The following UGP2 variants were observed in gnomAD, a reference collection of about 807,000 sequenced individuals.
The protein encoded by UGP2 is UDP-glucose pyrophosphorylase 2.
A neutral mutation model predicts 49.0 loss-of-function variants in UGP2; 40 were observed. The ratio of observed to expected loss-of-function variants is 0.82; its 90% CI spans 0.63 to 1.06. The LOEUF (loss-of-function observed/expected upper bound fraction) is 1.06. Among genes scored for constraint, UGP2 ranks in the 50% least tolerant of loss-of-function variants. UGP2 has a pLI of 0.00. For synonymous variants in UGP2, 225 were observed against 213.0 expected, an observed-to-expected ratio of 1.06 and a Z score of -0.49; for missense variants, 460 against 603.5, an observed-to-expected ratio of 0.76 and a Z score of 2.49.
Position 63,854,199 on chromosome 2 carries a change from C to T in UGP2, c.20-2107C>T, listed in dbSNP as rs145748357. The stretch of plus-strand genomic sequence containing the variant: ...TTCAACTATTTTCAACCTGTTTCCT[C>T]GTCTGTAAAATGATGAGAGTAGGTT... On this transcript the variant is annotated intron_variant, in intron 1 of 9. Transcript: ENST00000337130. Among the ~76,000 whole-genome samples, 725 of 152,296 alleles carry T rather than the reference C, an allele frequency of 4.8e-3. 6 individuals are homozygous for T. Among genetic ancestry groups the T allele is most frequent in the African/African-American group, 0.017 (701 of 41,558 alleles).
chr2:63,850,478 T>G (rs1668977298), intron 1 of UGP2, among the ~76,000 whole-genome samples: 1 of 152,208 alleles, frequency 6.6e-6, no homozygotes, highest in Non-Finnish European at 1.5e-5. Context: ...TAATTTATCA[T>G]TGAATGACAT....
intron 7 of UGP2, 109 bp from the exon 8 acceptor site, chr2:63,887,293 A>G (rs1361737558): frequency 2.1e-6 from 3 of 1,461,270 alleles, no homozygotes; most frequent in African/African-American, 1.4e-5. Flanking sequence ...TTTTTTTTCC[A>G]TCAATGGATC....
At chr2:63,882,347 A>T in intron 3 of UGP2, 119 bp from the exon 4 acceptor site, 4 of 963,296 alleles carry the variant, frequency 4.2e-6, no homozygotes, top group South Asian at 3.1e-5. Context: ...AAAGTTGATT[A>T]AAACTTTCCA....
Position 63,842,948 on chromosome 2 carries a change from A to G in UGP2, c.19+744A>G, listed in dbSNP as rs191832951. Among the ~76,000 whole-genome samples the G allele has an allele frequency of 8.5e-5, 13 of 152,282 alleles. No homozygotes were observed. The East Asian group carries it at 2.5e-3, about 29-fold the overall frequency. The stretch of plus-strand genomic sequence containing the variant: ...CTCACTGAAATTGGTGCTGGCATAA[A>G]CCTTTGACACCAGTTTGTAGCATGA... On this transcript the variant is annotated intron_variant, in intron 1 of 9. Coordinates refer to ENST00000337130, the MANE Select transcript of UGP2 (RefSeq NM_006759.4).
intron 1 of UGP2, among the ~76,000 whole-genome samples, chr2:63,851,207 C>T (rs760071956): frequency 3.3e-5 from 5 of 152,098 alleles, no homozygotes; most frequent in Admixed American, 6.5e-5. Context: ...AATTTAAGTC[C>T]TGATCTACAG....
chr2:63,873,887 A>G (rs989854906), intron 3 of UGP2, among the ~76,000 whole-genome samples: 1 of 152,208 alleles, frequency 6.6e-6, no homozygotes, highest in Non-Finnish European at 1.5e-5. Flanking sequence ...TGGTAATCAG[A>G]AACTTGGGCT....
chr2:63,858,234 G>A (rs1057010870), intron 3 of UGP2, among the ~76,000 whole-genome samples: 5 of 152,116 alleles, frequency 3.3e-5, no homozygotes, highest in African/African-American at 1.2e-4. Context: ...TAAGAGCTTC[G>A]TTTACTTTGT....
At chr2:63,856,139 A>G (rs1217536657) in intron 1 of UGP2, 167 bp from the exon 2 acceptor site, 2 of 721,614 alleles carry the variant, frequency 2.8e-6, no homozygotes, top group East Asian at 2.9e-5. Context: ...AACTGGAGTG[A>G]AACGAGTCCT....
At chr2:63,886,663 G>T (rs2104363147) in intron 7 of UGP2, 125 bp downstream of exon 7, 4 of 1,070,140 alleles carry the variant, frequency 3.7e-6, no homozygotes, top group Non-Finnish European at 5.3e-6. Context: ...TGCCTTTTCA[G>T]ACTCTAGTTC....
chr2:63,855,636 G>A (rs1055866044), intron 1 of UGP2: 18 of 430,526 alleles, frequency 4.2e-5, no homozygotes, highest in Admixed American at 2.0e-4. Flanking sequence ...CTGCCTCCTC[G>A]GCTCAAGGTA....
chr2:63,856,436 A>C lies in UGP2; in HGVS notation c.147+3A>C. The C allele has an allele frequency of 6.2e-7, 1 of 1,610,134 alleles. No homozygotes were observed. The highest frequency in any genetic ancestry group is 8.5e-7 in the Non-Finnish European group (1 of 1,179,718). On this transcript the variant is annotated splice_donor_region_variant and intron_variant, in intron 2 of 9. Transcript: ENST00000337130. The stretch of plus-strand genomic sequence containing the variant: ...CAGCATCATCACATGAATTTGAGGT[A>C]AGGAGGTTTCTACAGTGTTCCACCC...
chr2:63,857,524 G>A (rs1669525950), intron 2 of UGP2: 4 of 446,870 alleles, frequency 9.0e-6, no homozygotes, highest in South Asian at 3.3e-5. Flanking sequence ...CACCACATCT[G>A]GCTAATTTTT....
chr2:63,851,266 G>A (rs1325822510), intron 1 of UGP2, among the ~76,000 whole-genome samples: 2 of 152,166 alleles, frequency 1.3e-5, no homozygotes. Flanking sequence ...AGGTGCTAAG[G>A]TAGGTTTTGG....
At chr2:63,878,462 G>A (rs1389957967) in intron 3 of UGP2, among the ~76,000 whole-genome samples, 1 of 152,068 alleles carries the variant, frequency 6.6e-6, no homozygotes, top group Non-Finnish European at 1.5e-5. Flanking sequence ...ACTTAAAAAA[G>A]GCTCTGATTA....
chr2:63,889,927 T>C (rs976916620), intron 8 of UGP2, 154 bp from the exon 9 acceptor site: 2 of 609,350 alleles, frequency 3.3e-6, no homozygotes, highest in African/African-American at 1.9e-5. Flanking sequence ...ATTTAGCATA[T>C]AATGAGTGCT....
In UGP2 at chr2:63,890,424, A is replaced by G. The variant is rs187293558; in HGVS notation, c.1419+239A>G. Among the ~76,000 whole-genome samples, 348 of 152,338 alleles carry G rather than the reference A, an allele frequency of 2.3e-3. 3 individuals carry two copies. In the Middle Eastern group the frequency reaches 0.024, roughly 10 times the overall value. ...TGACAATTTGTACTGAATATAACCT[A>G]TTAAAGGAATGTTATCACTGTAAGA... On this transcript the variant is annotated intron_variant, in intron 9 of 9. Coordinates refer to ENST00000337130, the MANE Select transcript of UGP2 (RefSeq NM_006759.4).
chr2:63,850,362 T>C (rs1451507492), intron 1 of UGP2, among the ~76,000 whole-genome samples: 1 of 152,244 alleles, frequency 6.6e-6, no homozygotes, highest in Non-Finnish European at 1.5e-5. Flanking sequence ...AGCTGAGTCA[T>C]CTAAAAATAT....
chr2:63,887,244 G>A (rs1248124910), intron 7 of UGP2, among the ~76,000 whole-genome samples, 158 bp from the exon 8 acceptor site: 1 of 149,896 alleles, frequency 6.7e-6, no homozygotes, highest in Non-Finnish European at 1.5e-5. Context: ...CAGCCTGGGT[G>A]ACAGATCAAG....
chr2:63,869,048 C>CTG (rs1274555386), intron 3 of UGP2, among the ~76,000 whole-genome samples: 1 of 151,966 alleles, frequency 6.6e-6, no homozygotes, highest in Non-Finnish European at 1.5e-5. Flanking sequence ...TGAGCACCAA[C>CTG]TGTATGTATA....
Sources: allele counts gnomAD v4.1 joint callset (sites outside exome capture counted in the v4.1 genomes callset), GRCh38; gene constraint gnomAD v4.1.1; transcripts MANE v1.5; gene names NCBI Gene and HGNC (gene_info 2026-07-23, HGNC 2026-07-21).